The following CIMIP2C variants were observed in gnomAD, a reference collection of about 807,000 sequenced individuals.
CIMIP2C encodes the protein ciliary microtubule inner protein 2C.
the CIMIP2C span, chr2:26,578,877 C>G: frequency 2.1e-6 from 1 of 472,118 alleles, no homozygotes. Flanking sequence ...CTGGGGCAAG[C>G]CCCTCCCTCC....
At chr2:26,579,281 T>C in the CIMIP2C span, 2 of 1,613,328 alleles carry the variant, frequency 1.2e-6, no homozygotes, top group Non-Finnish European at 1.7e-6. Context: ...ACCAGTCCCA[T>C]CCTCACCCCT....
At chr2:26,564,638 C>A in the CIMIP2C span, among the ~76,000 whole-genome samples, 3 of 152,190 alleles carry the variant, frequency 2.0e-5, no homozygotes, top group Non-Finnish European at 4.4e-5. Context: ...GTTGGCAATT[C>A]TGTTAACTTA....
the CIMIP2C span, among the ~76,000 whole-genome samples, chr2:26,572,502 T>C: frequency 6.6e-6 from 1 of 152,134 alleles, no homozygotes; most frequent in Admixed American, 6.5e-5. Context: ...CTGGCTGGTG[T>C]GGTATTCTTG....
At chr2:26,575,862 C>T in the CIMIP2C span, 15 of 1,598,938 alleles carry the variant, frequency 9.4e-6, no homozygotes, top group Non-Finnish European at 1.3e-5. Context: ...TGGGGCCCTT[C>T]ACTGATCTGT....
chr2:26,572,060 CA>C, the CIMIP2C span: 1 of 1,521,914 alleles, frequency 6.6e-7, no homozygotes, highest in Non-Finnish European at 8.8e-7. Flanking sequence ...TAAAAACCAT[CA>C]AAGGACTAAA....
chr2:26,579,435 A>G, the CIMIP2C span: 1 of 1,613,594 alleles, frequency 6.2e-7, no homozygotes, highest in Non-Finnish European at 8.5e-7. Flanking sequence ...AGTTCAGAGC[A>G]TGAGACTTTT....
the CIMIP2C span, chr2:26,578,661 T>C: frequency 6.7e-5 from 30 of 445,474 alleles, no homozygotes; most frequent in South Asian, 4.9e-4. Context: ...ATCCCTAGAG[T>C]ATAGTGGGAC....
the CIMIP2C span, chr2:26,579,044 TAGCAGGAGTTAGGACCAG>T: frequency 5.4e-6 from 3 of 557,750 alleles, no homozygotes; most frequent in South Asian, 5.5e-5. Flanking sequence ...TGCACACTTC[TAGCAGGAGTTAGGACCAG>T]AGTCCGTCCC....
the CIMIP2C span, among the ~76,000 whole-genome samples, chr2:26,568,334 C>A: frequency 6.6e-6 from 1 of 152,212 alleles, no homozygotes; most frequent in Non-Finnish European, 1.5e-5. Flanking sequence ...CTGGAGGATT[C>A]ATAAGCCACG....
chr2:26,566,965 C>A, the CIMIP2C span, among the ~76,000 whole-genome samples: 1 of 152,192 alleles, frequency 6.6e-6, no homozygotes, highest in Non-Finnish European at 1.5e-5. Context: ...CTGCCTCAGC[C>A]TCCCAAAGTG....
chr2:26,575,472 G>T, the CIMIP2C span, among the ~76,000 whole-genome samples: 1 of 152,200 alleles, frequency 6.6e-6, no homozygotes, highest in East Asian at 1.9e-4. Context: ...CATTGACTGG[G>T]GGGGTATCTG....
the CIMIP2C span, chr2:26,562,885 C>A: frequency 1.7e-6 from 1 of 576,504 alleles, no homozygotes; most frequent in Non-Finnish European, 3.1e-6. Flanking sequence ...GGGGCCTCCC[C>A]AGATTCCCCT....
At chr2:26,571,651 A>G in the CIMIP2C span, among the ~76,000 whole-genome samples, 1 of 152,150 alleles carries the variant, frequency 6.6e-6, no homozygotes, top group Admixed American at 6.5e-5. Flanking sequence ...GAAAGCCACA[A>G]ATCACCCGAA....
chr2:26,576,031 C>T, the CIMIP2C span: 15 of 1,614,238 alleles, frequency 9.3e-6, no homozygotes, highest in Middle Eastern at 1.6e-4. Context: ...GCCAAGGCGG[C>T]CATTTCCCCA....
chr2:26,578,677 T>A, the CIMIP2C span: 1 of 462,024 alleles, frequency 2.2e-6, no homozygotes, highest in South Asian at 1.6e-5. Flanking sequence ...GGGACTCTCC[T>A]GGGGACAGGT....
At chr2:26,569,236 G>C in the CIMIP2C span, among the ~76,000 whole-genome samples, 1 of 152,008 alleles carries the variant, frequency 6.6e-6, no homozygotes, top group Non-Finnish European at 1.5e-5. Flanking sequence ...GGAGGATGTG[G>C]CTTGAGACAA....
the CIMIP2C span, chr2:26,578,451 G>C: frequency 3.9e-5 from 9 of 232,830 alleles, no homozygotes; most frequent in African/African-American, 2.0e-4. Context: ...AGGCTTCACT[G>C]CATCTAAAAG....
chr2:26,562,930 G>A, the CIMIP2C span: 1 of 556,166 alleles, frequency 1.8e-6, no homozygotes, highest in African/African-American at 2.0e-5. Context: ...GTGGGGCACA[G>A]CCAGCAGGGC....
the CIMIP2C span, among the ~76,000 whole-genome samples, chr2:26,570,044 A>G: frequency 6.6e-6 from 1 of 152,184 alleles, no homozygotes; most frequent in Admixed American, 6.5e-5. Context: ...GAACCTGCCC[A>G]TGTGTGCAAG....
Sources: allele counts gnomAD v4.1 joint callset (sites outside exome capture counted in the v4.1 genomes callset), GRCh38; gene constraint gnomAD v4.1.1; transcripts MANE v1.5; gene names NCBI Gene and HGNC (gene_info 2026-07-23, HGNC 2026-07-21).